Variants in DGKD observed in about 807,000 individuals in gnomAD.
DGKD encodes the protein DAG kinase delta.
In DGKD, 68 loss-of-function variants were observed where a neutral mutation model predicts 154.4. The ratio of observed to expected loss-of-function variants is 0.44; its 90% CI spans 0.36 to 0.54. The LOEUF (loss-of-function observed/expected upper bound fraction) is 0.54. Among genes scored for constraint, DGKD ranks in the 20% least tolerant of loss-of-function variants. The pLI, the probability that DGKD is intolerant of heterozygous loss-of-function variation, is 0.00. For synonymous variants in DGKD, 693 were observed against 638.0 expected (o/e 1.09, Z -1.30); for missense variants, 1,343 against 1,593.6 (o/e 0.84, Z 2.68).
At chr2:233,442,937 G>A (rs2062949248) in intron 10 of DGKD, among the ~76,000 whole-genome samples, 1 of 152,154 alleles carries the variant, frequency 6.6e-6, no homozygotes, top group South Asian at 2.1e-4. Context: ...TAATTAAGAT[G>A]TTGCAGACAC....
Position 233,434,448 on chromosome 2 carries a change from A to G in DGKD, c.417A>G (p.Ala139=). 6.2e-7 allele frequency: 1 copy of G among 1,614,206 alleles called. No individual in the cohort carries two copies. The highest frequency in any genetic ancestry group is 8.5e-7 in the Non-Finnish European group (1 of 1,180,020). Residue 139 remains alanine (A), a synonymous_variant, in exon 4 of 30, where the codon GCA becomes GCG. Transcript: ENST00000264057. The part of the protein sequence containing the change: ...DNRKEMEDWI[A]ALKTVQNREH... ...GAAAAGAAATGGAAGATTGGATTGC[A>G]GCATTAAAGACTGTGCAGAACAGGG...
chr2:233,392,867 C>A (rs1258471030), intron 3 of DGKD, among the ~76,000 whole-genome samples: 3 of 152,144 alleles, frequency 2.0e-5, no homozygotes, highest in Non-Finnish European at 4.4e-5. Flanking sequence ...AGTTTAAACA[C>A]CTGTGTCTCT....
At chr2:233,432,779 A>T (rs1044723734) in intron 3 of DGKD, among the ~76,000 whole-genome samples, 30 of 152,358 alleles carry the variant, frequency 2.0e-4, no homozygotes, top group Middle Eastern at 3.4e-3. Flanking sequence ...TCCAGTTAAA[A>T]AATAGGAAAA....
intron 1 of DGKD, among the ~76,000 whole-genome samples, chr2:233,362,779 G>A (rs909614476): frequency 3.9e-5 from 6 of 152,218 alleles, no homozygotes; most frequent in Admixed American, 3.3e-4. Flanking sequence ...GTACACCCTT[G>A]TGCTCTGCAT....
intron 19 of DGKD, among the ~76,000 whole-genome samples, chr2:233,455,170 C>T (rs1488039770): frequency 2.6e-5 from 4 of 152,282 alleles, no homozygotes; most frequent in East Asian, 1.9e-4. Flanking sequence ...TACAGAAAAG[C>T]GGCAGGTGTG....
intron 1 of DGKD, among the ~76,000 whole-genome samples, chr2:233,361,192 T>G (rs1414653219): frequency 6.6e-6 from 1 of 152,178 alleles, no homozygotes; most frequent in Middle Eastern, 3.4e-3. Flanking sequence ...CACCCTCCCC[T>G]CACAATTTGG....
chr2:233,435,755 C>T (rs2062670451), intron 5 of DGKD, 63 bp from the exon 6 acceptor site: 1 of 1,507,802 alleles, frequency 6.6e-7, no homozygotes, highest in African/African-American at 1.4e-5. Context: ...CACAACACTG[C>T]TCAGCATGGG....
chr2:233,453,856 G>T (rs372457279), intron 18 of DGKD, among the ~76,000 whole-genome samples: 1 of 152,184 alleles, frequency 6.6e-6, no homozygotes, highest in Non-Finnish European at 1.5e-5. Flanking sequence ...CTCGTCTGTC[G>T]CACACGGGGA....
intron 1 of DGKD, among the ~76,000 whole-genome samples, chr2:233,383,182 A>G (rs907114332): frequency 1.3e-5 from 2 of 151,980 alleles, no homozygotes; most frequent in African/African-American, 4.8e-5. Context: ...CTGGGATTAC[A>G]GGTATCCGCC....
intron 1 of DGKD, 145 bp from the exon 2 acceptor site, chr2:233,388,112 A>G (rs1703308624): frequency 7.3e-6 from 11 of 1,501,272 alleles, no homozygotes; most frequent in Non-Finnish European, 8.9e-6. Flanking sequence ...GGGCCTGTGC[A>G]TAGGTCAAGG....
At chr2:233,383,344 T>C (rs931947241) in intron 1 of DGKD, among the ~76,000 whole-genome samples, 5 of 152,150 alleles carry the variant, frequency 3.3e-5, no homozygotes, top group African/African-American at 1.2e-4. Context: ...CCCAGCCCGT[T>C]CCATGGGAGT....
intron 3 of DGKD, among the ~76,000 whole-genome samples, chr2:233,417,095 C>T (rs911864370): frequency 1.1e-4 from 17 of 152,096 alleles, no homozygotes; most frequent in African/African-American, 3.1e-4. Flanking sequence ...TGCAGTTGTG[C>T]GATCACAGCT....
At position 233,354,561 on chromosome 2, in the gene DGKD, C is replaced by T. The variant is rs1267719598; in HGVS notation, c.43C>T (p.Pro15Ser). The T allele has an allele frequency of 2.9e-6, 3 of 1,052,554 alleles. No individual in the cohort carries two copies. The highest frequency in any genetic ancestry group is 1.7e-5 in the African/African-American group (1 of 57,626). 65.2% of individuals were successfully genotyped at this position (1,052,554 alleles called of 1,614,324 possible). A position where few individuals can be genotyped will look rare whatever the true frequency, so the allele number is the denominator to read the frequency against. ...CGCCCCTCCGCCGGGTCCCCCGCAA[C>T]CGCCTCCGCCGCCGCCGCCCGAGGA... The part of the protein sequence containing the change: ...AGAPPPGPPQ[P>S]PPPPPPEESS... The change falls in exon 1 of 30, where the codon CCG (proline) becomes TCG (serine). Residue 15 changes from proline to serine, a missense_variant. By Grantham distance (74) the Pro-to-Ser change is moderately conservative. This residue lies in a region of DGKD where 57 missense variants were observed against 27.8 expected (regional missense o/e 2.05). Coordinates refer to ENST00000264057, the MANE Select transcript of DGKD (RefSeq NM_152879.3). This position sits in a 1 kb window ranked among gnomAD's most constrained non-coding sequence, Gnocchi z 4.8.
At chr2:233,394,144 T>C (rs1703838070) in intron 3 of DGKD, among the ~76,000 whole-genome samples, 1 of 152,250 alleles carries the variant, frequency 6.6e-6, no homozygotes, top group Non-Finnish European at 1.5e-5. Context: ...GTTTTCACCT[T>C]CTCCATTTTG....
At chr2:233,385,514 C>G (rs1417700883) in intron 1 of DGKD, among the ~76,000 whole-genome samples, 5 of 152,166 alleles carry the variant, frequency 3.3e-5, no homozygotes, top group Admixed American at 2.6e-4. Flanking sequence ...ACAGTTGGCC[C>G]TTTTGTTTGT....
chr2:233,444,291 G>A (rs1475288915), intron 10 of DGKD, among the ~76,000 whole-genome samples: 1 of 151,998 alleles, frequency 6.6e-6, no homozygotes, highest in African/African-American at 2.4e-5. Flanking sequence ...CTCACTAATT[G>A]TGTCCTCAGT....
chr2:233,441,781 G>C lies in DGKD; in HGVS notation c.1086-106G>C, dbSNP rs1490135804. Reference sequence around the variant, plus strand: ...CTGTGCGTGCTCTGCCTCTGGTGCAGGTCAGCCATGAGGAGCACAGGTGGC... The same window carrying C: ...CTGTGCGTGCTCTGCCTCTGGTGCACGTCAGCCATGAGGAGCACAGGTGGC... On this transcript the variant is annotated intron_variant, in intron 9 of 29. Coordinates refer to ENST00000264057, the MANE Select transcript of DGKD (RefSeq NM_152879.3). The surrounding 1 kb of genome is among the most constrained non-coding windows in gnomAD (Gnocchi z 5.6). 3.9e-6 allele frequency: 4 copies of C among 1,014,672 alleles called. No individual in the cohort carries two copies. The African/African-American group carries it at 4.8e-5, about 12-fold the overall frequency. The allele number at this position is 1,014,672 out of a possible 1,614,324, so 62.9% of individuals were successfully genotyped here.
chr2:233,434,494 G>A lies in DGKD; in HGVS notation c.453+10G>A, dbSNP rs759513205. 69 of 1,611,590 alleles carry A rather than the reference G, an allele frequency of 4.3e-5. No homozygotes were observed. In the African/African-American group the frequency reaches 8.8e-4, roughly 21 times the overall value. On this transcript the variant is annotated intron_variant, in intron 4 of 29. Transcript: ENST00000264057. ...CAGGGAGCACTTTGAGGTTAAAAAA[G>A]AAAATACCCTTCTCCAAATGCCTCC...
In DGKD at chr2:233,462,437, A is replaced by T; in HGVS notation, c.3071A>T (p.Tyr1024Phe). The change falls in exon 25 of 30, where the codon TAT becomes TTT. Residue 1024 changes from tyrosine (Y) to phenylalanine (F), a missense_variant. Tyr to Phe is a conservative substitution (Grantham distance 22, BLOSUM62 3). Transcript: ENST00000264057. Reference sequence around the variant, plus strand: ...AGCTCCAAGTCCATGGACCGTGTGTATGGCAAGCCCAGAACCACAGAGGTA... The same window carrying T: ...AGCTCCAAGTCCATGGACCGTGTGTTTGGCAAGCCCAGAACCACAGAGGTA... ...NASSKSMDRV[Y>F]GKPRTTEGLN... The T allele has an allele frequency of 6.2e-7, 1 of 1,600,292 alleles. No individual in the cohort carries two copies. The highest frequency in any genetic ancestry group is 8.6e-7 in the Non-Finnish European group (1 of 1,169,314).
Sources: gnomAD v4.1 joint callset for allele counts (sites outside exome capture counted in the v4.1 genomes callset) on GRCh38, gnomAD v4.1.1 for gene constraint, gnomAD v4.1.1 regional missense constraint, Gnocchi (gnomAD v3.1) non-coding constraint, MANE v1.5 for transcripts, NCBI Gene and HGNC (gene_info 2026-07-23, HGNC 2026-07-21) for gene names.